ZNF475: variants seen among roughly 807,000 people sequenced by gnomAD.
ZNF475 encodes zinc finger protein 475.
the ZNF475 span, among the ~76,000 whole-genome samples, chr5:122,174,243 G>A: frequency 6.6e-6 from 1 of 152,186 alleles, no homozygotes; most frequent in African/African-American, 2.4e-5. Context: ...GGCCCAATAG[G>A]AAAACCTTGG....
the ZNF475 span, among the ~76,000 whole-genome samples, chr5:122,161,569 T>C: frequency 6.6e-6 from 1 of 152,356 alleles, no homozygotes; most frequent in South Asian, 2.1e-4. Context: ...CTGAGCAATG[T>C]GCTCTCTAAC....
the ZNF475 span, among the ~76,000 whole-genome samples, chr5:122,167,361 G>A: frequency 8.6e-5 from 13 of 152,024 alleles, no homozygotes; most frequent in Admixed American, 7.2e-4. Context: ...AAAAAGTCTT[G>A]ATAAAATATT....
the ZNF475 span, among the ~76,000 whole-genome samples, chr5:122,170,861 A>C: frequency 6.6e-6 from 1 of 152,008 alleles, no homozygotes; most frequent in African/African-American, 2.4e-5. Flanking sequence ...AAAGACATTC[A>C]TCACTCCCGG....
chr5:122,162,357 A>T, the ZNF475 span: 2 of 152,230 alleles, frequency 1.3e-5, no homozygotes, highest in Non-Finnish European at 2.9e-5. Flanking sequence ...TCAAACAACG[A>T]TCCTTCCAGA....
At chr5:122,182,420 T>G in the ZNF475 span, 2 of 1,256,884 alleles carry the variant, frequency 1.6e-6, no homozygotes, top group Non-Finnish European at 2.1e-6. Context: ...CATTTTACCT[T>G]TTTCTTTCCC....
At chr5:122,160,940 C>T in the ZNF475 span, among the ~76,000 whole-genome samples, 9 of 152,092 alleles carry the variant, frequency 5.9e-5, no homozygotes, top group African/African-American at 1.9e-4. Context: ...CAATCTCTCC[C>T]AAAATTCTTA....
At chr5:122,164,650 A>G in the ZNF475 span, among the ~76,000 whole-genome samples, 6 of 152,190 alleles carry the variant, frequency 3.9e-5, no homozygotes, top group East Asian at 1.2e-3. Context: ...CGATGAAGCT[A>G]TTCTTCTGGA....
At chr5:122,172,985 A>G in the ZNF475 span, among the ~76,000 whole-genome samples, 1 of 152,046 alleles carries the variant, frequency 6.6e-6, no homozygotes, top group African/African-American at 2.4e-5. Flanking sequence ...GTGAGCCAAG[A>G]TCGCGCCACT....
At chr5:122,179,805 CT>C in the ZNF475 span, 5 of 1,111,256 alleles carry the variant, frequency 4.5e-6, no homozygotes, top group Non-Finnish European at 6.0e-6. Flanking sequence ...CAGAAGTATT[CT>C]TTTTTCACTT....
At chr5:122,168,900 A>G in the ZNF475 span, among the ~76,000 whole-genome samples, 1 of 152,118 alleles carries the variant, frequency 6.6e-6, no homozygotes, top group Non-Finnish European at 1.5e-5. Context: ...CCTTCCTTTT[A>G]GTATTATTTG....
chr5:122,163,149 C>G, the ZNF475 span: 1 of 141,368 alleles, frequency 7.1e-6, no homozygotes, highest in Non-Finnish European at 1.5e-5. Flanking sequence ...TATCTGTCAG[C>G]TTCTCCCTGC....
At chr5:122,160,254 A>G in the ZNF475 span, 1 of 1,289,818 alleles carries the variant, frequency 7.8e-7, no homozygotes, top group Non-Finnish European at 1.0e-6. Flanking sequence ...GACAGACCAC[A>G]ACACTAAGGT....
At chr5:122,171,742 C>A in the ZNF475 span, among the ~76,000 whole-genome samples, 2 of 144,648 alleles carry the variant, frequency 1.4e-5, no homozygotes, top group Non-Finnish European at 3.0e-5. Flanking sequence ...CTTCTCTATA[C>A]TTTTTTTTTT....
At chr5:122,170,869 C>G in the ZNF475 span, among the ~76,000 whole-genome samples, 2 of 152,054 alleles carry the variant, frequency 1.3e-5, no homozygotes, top group African/African-American at 4.8e-5. Context: ...TCATCACTCC[C>G]GGGGATTCCA....
the ZNF475 span, among the ~76,000 whole-genome samples, chr5:122,172,946 T>C: frequency 2.0e-5 from 3 of 151,660 alleles, no homozygotes; most frequent in African/African-American, 4.9e-5. Context: ...GGCAGGAGAA[T>C]GGCGTGAACC....
chr5:122,167,056 G>A, the ZNF475 span, among the ~76,000 whole-genome samples: 1 of 152,192 alleles, frequency 6.6e-6, no homozygotes, highest in Admixed American at 6.5e-5. Context: ...ATGGTTTTAG[G>A]TCTGACATTT....
At chr5:122,182,504 T>C in the ZNF475 span, 1 of 1,498,836 alleles carries the variant, frequency 6.7e-7, no homozygotes, top group Non-Finnish European at 8.8e-7. Context: ...AAGGCTTCTA[T>C]GATCTTGATG....
chr5:122,178,373 C>T, the ZNF475 span, among the ~76,000 whole-genome samples: 2 of 152,198 alleles, frequency 1.3e-5, no homozygotes, highest in African/African-American at 4.8e-5. Context: ...AGTGTAAAAG[C>T]TTTCCTATTT....
the ZNF475 span, among the ~76,000 whole-genome samples, chr5:122,172,318 C>T: frequency 6.6e-6 from 1 of 152,142 alleles, no homozygotes; most frequent in African/African-American, 2.4e-5. Context: ...TGCTTAGAAT[C>T]ACCCTAAAGC....
Sources: gnomAD v4.1 joint callset for allele counts (sites outside exome capture counted in the v4.1 genomes callset) on GRCh38, gnomAD v4.1.1 for gene constraint, MANE v1.5 for transcripts, NCBI Gene and HGNC (gene_info 2026-07-23, HGNC 2026-07-21) for gene names.